MYBPC2: variants seen among roughly 807,000 people sequenced by gnomAD.
The protein encoded by MYBPC2 is myosin binding protein C2.
In MYBPC2, 122 loss-of-function variants were observed where a neutral mutation model predicts 137.0. That is an observed-to-expected ratio of 0.89 (90% CI 0.77 to 1.03). MYBPC2 has a LOEUF of 1.03. Ranked by LOEUF, MYBPC2 falls within the 50% of genes least tolerant of loss-of-function variation. The pLI, the probability that MYBPC2 is intolerant of heterozygous loss-of-function variation, is 0.00. For synonymous variants in MYBPC2, 626 were observed against 612.3 expected (o/e 1.02, Z -0.33); for missense variants, 1,500 against 1,534.4 (o/e 0.98, Z 0.37).
intron 1 of MYBPC2, among the ~76,000 whole-genome samples, 195 bp downstream of exon 1, chr19:50,433,167 T>A (rs1013681893): frequency 6.6e-6 from 1 of 151,978 alleles, no homozygotes. Flanking sequence ...GGGAAGAGGG[T>A]CCCTTCCCTT....
At position 50,459,143 on chromosome 19, in the gene MYBPC2, G is replaced by C. The variant is rs1018501276; in HGVS notation, c.2628G>C (p.Lys876Asn). 2 of 1,586,588 alleles carry C rather than the reference G, an allele frequency of 1.3e-6. No homozygotes were observed. Among genetic ancestry groups the C allele is most frequent in the African/African-American group, 2.7e-5 (2 of 74,468 alleles). Residue 876 changes from lysine to asparagine, a missense_variant, in exon 23 of 28, where the codon AAG becomes AAC. Physicochemically the swap from Lys to Asn is moderately conservative, Grantham distance 94. Coordinates refer to ENST00000357701, the MANE Select transcript of MYBPC2 (RefSeq NM_004533.4). Reference protein sequence around the residue: ...GKPRPQVVWTKGGAPLDTSRV... With the variant: ...GKPRPQVVWTNGGAPLDTSRV... ...CCCGGCCCCAGGTGGTGTGGACCAA[G>C]GGCGGGGCCCCGCTGGACACCTCCC...
intron 7 of MYBPC2, among the ~76,000 whole-genome samples, chr19:50,440,012 A>G (rs996944560): frequency 1.3e-5 from 2 of 152,106 alleles, no homozygotes; most frequent in Admixed American, 6.5e-5. Context: ...GAGAGCCTGA[A>G]GTGTTCAGCA....
rs961725575 is a variant in MYBPC2, at chr19:50,455,957, T to A, written c.2338+313T>A. Among the ~76,000 whole-genome samples the A allele has an allele frequency of 1.3e-4, 20 of 152,204 alleles. 1 individual carries two copies. The highest frequency in any genetic ancestry group is 1.2e-3 in the Admixed American group (18 of 15,262). On this transcript the variant is annotated intron_variant, in intron 20 of 27. Coordinates refer to ENST00000357701, the MANE Select transcript of MYBPC2 (RefSeq NM_004533.4). ...TCTTTCTTCTACTCATTTATCCATC[T>A]AACCAATCTTTCCTTCATCCATCTT...
chr19:50,457,781 G>C (rs2039927621), intron 20 of MYBPC2, among the ~76,000 whole-genome samples: 2 of 149,020 alleles, frequency 1.3e-5, no homozygotes. Flanking sequence ...CCAGGTTCAA[G>C]CGATTCTCCT....
rs929112554 is a variant in MYBPC2, at chr19:50,454,465, G to A, written c.2014+96G>A. On this transcript the variant is annotated intron_variant, in intron 18 of 27. Transcript: ENST00000357701. ...TTTTGAGATGGAGTCTCACTCTATCGCCCAGGCTGGAGTGCAGTGGCTCAA... is the reference window on the plus strand; with the variant it reads ...TTTTGAGATGGAGTCTCACTCTATCACCCAGGCTGGAGTGCAGTGGCTCAA... 3.5e-5 allele frequency: 37 copies of A among 1,063,636 alleles called. 1 individual carries two copies. The African/African-American group carries it at 4.8e-4, about 14-fold the overall frequency. 65.9% of individuals were successfully genotyped at this position (1,063,636 alleles called of 1,614,324 possible).
chr19:50,463,782 T>C (rs2039990540), intron 26 of MYBPC2, among the ~76,000 whole-genome samples: 1 of 151,904 alleles, frequency 6.6e-6, no homozygotes, highest in Non-Finnish European at 1.5e-5. Context: ...CTACTAAAAA[T>C]ACAAAAACTA....
intron 12 of MYBPC2, 75 bp downstream of exon 12, chr19:50,446,127 C>T: frequency 1.3e-6 from 2 of 1,498,460 alleles, no homozygotes; most frequent in Admixed American, 2.1e-5. Context: ...CTCAGGCCCC[C>T]CAGTCTGGAA....
intron 9 of MYBPC2, 85 bp from the exon 10 acceptor site, chr19:50,443,409 C>T: frequency 6.6e-7 from 1 of 1,506,014 alleles, no homozygotes; most frequent in East Asian, 2.3e-5. Flanking sequence ...GAGAGAGAGA[C>T]TTGCCTTGAG....
rs1223678704 is a variant in MYBPC2 at position 50,455,574 on chromosome 19, G to A, written c.2268G>A (p.Lys756=). The A allele has an allele frequency of 1.2e-6, 2 of 1,613,910 alleles. No individual in the cohort carries two copies. Among genetic ancestry groups the A allele is most frequent in the South Asian group, 2.2e-5 (2 of 91,082 alleles). Residue 756 remains lysine, a synonymous_variant, in exon 20 of 28, where the codon AAG becomes AAA. Coordinates refer to ENST00000357701, the MANE Select transcript of MYBPC2 (RefSeq NM_004533.4). ...TGACAGACACCACCACCACACTCAA[G>A]TGGAGGCCTCCGAACAGGATCGGGG... The part of the protein sequence containing the change: ...EDVTDTTTTL[K]WRPPNRIGAG...
intron 13 of MYBPC2, among the ~76,000 whole-genome samples, chr19:50,449,757 C>T (rs1039260758): frequency 5.3e-5 from 8 of 152,152 alleles, no homozygotes; most frequent in African/African-American, 1.9e-4. Flanking sequence ...AGCATGATGC[C>T]TGGAGAACAT....
chr19:50,459,985 A>C (rs2039956627), intron 23 of MYBPC2, 55 bp from the exon 24 acceptor site: 1 of 1,547,842 alleles, frequency 6.5e-7, no homozygotes, highest in African/African-American at 1.4e-5. Context: ...GAGGGGAGGG[A>C]AGCGGCTGGA....
chr19:50,464,117 C>A (rs2039993573), intron 26 of MYBPC2: 8 of 458,292 alleles, frequency 1.7e-5, no homozygotes, highest in South Asian at 1.4e-4. Context: ...ACAGTGAGCT[C>A]TTTGTCCTGA....
At chr19:50,442,891 C>A (rs1396911544) in intron 9 of MYBPC2, among the ~76,000 whole-genome samples, 3 of 151,808 alleles carry the variant, frequency 2.0e-5, no homozygotes, top group African/African-American at 7.3e-5. Context: ...GATTCTCCTG[C>A]CTCAGCCTCC....
At chr19:50,439,873 G>A (rs1241608928) in intron 7 of MYBPC2, among the ~76,000 whole-genome samples, 1 of 152,250 alleles carries the variant, frequency 6.6e-6, no homozygotes, top group African/African-American at 2.4e-5. Flanking sequence ...TGTAGGACAC[G>A]GAATGCCTCA....
intron 4 of MYBPC2, 138 bp downstream of exon 4, chr19:50,436,298 T>C (rs2039703200): frequency 1.5e-6 from 2 of 1,358,946 alleles, no homozygotes; most frequent in Admixed American, 5.1e-5. Context: ...AGGATGGAGG[T>C]TGTGCGGGGC....
chr19:50,462,925 C>G (rs368308250), intron 26 of MYBPC2, among the ~76,000 whole-genome samples: 1 of 152,334 alleles, frequency 6.6e-6, no homozygotes, highest in Non-Finnish European at 1.5e-5. Flanking sequence ...CATTAAGTCT[C>G]TCTTGCTCTG....
intron 20 of MYBPC2, among the ~76,000 whole-genome samples, chr19:50,456,679 A>T (rs1336989896): frequency 6.6e-6 from 1 of 151,512 alleles, no homozygotes; most frequent in Non-Finnish European, 1.5e-5. Flanking sequence ...CTCGTGATCC[A>T]CCTGCCTCGG....
intron 20 of MYBPC2, among the ~76,000 whole-genome samples, chr19:50,457,197 G>T (rs2039921643): frequency 6.6e-6 from 1 of 152,116 alleles, no homozygotes; most frequent in Non-Finnish European, 1.5e-5. Context: ...AGGGATGGTT[G>T]AACCCTCATC....
rs775704709 is a variant in MYBPC2, at chr19:50,448,239, G to C, written c.1321G>C (p.Val441Leu). 1 of 1,613,588 alleles carries C rather than the reference G, an allele frequency of 6.2e-7. No individual in the cohort carries two copies. The highest frequency in any genetic ancestry group is 8.5e-7 in the Non-Finnish European group (1 of 1,179,606). ...ELIVEEKQLE[V>L]LQDIADLTVK... Reference sequence around the variant, plus strand: ...TCCCTGACCAGAGAAACAGCTGGAGGTCCTGCAGGACATCGCGGATCTGAC... The same window carrying C: ...TCCCTGACCAGAGAAACAGCTGGAGCTCCTGCAGGACATCGCGGATCTGAC... Residue 441 changes from valine (V) to leucine (L), a missense_variant, in exon 13 of 28, where the codon GTC becomes CTC. Val to Leu is a conservative substitution (Grantham distance 32). Coordinates refer to ENST00000357701, the MANE Select transcript of MYBPC2 (RefSeq NM_004533.4).
Sources: gnomAD v4.1 joint callset for allele counts (sites outside exome capture counted in the v4.1 genomes callset) on GRCh38, gnomAD v4.1.1 for gene constraint, MANE v1.5 for transcripts, NCBI Gene and HGNC (gene_info 2026-07-23, HGNC 2026-07-21) for gene names.